The following FBXL17 variants were observed in gnomAD, a reference collection of about 807,000 sequenced individuals.
The protein encoded by FBXL17 is F-box and leucine rich repeat protein 17, also known as F-box/LRR-repeat protein 17.
In FBXL17, 22 loss-of-function variants were observed where a neutral mutation model predicts 66.2. That is an observed-to-expected ratio of 0.33 (90% CI 0.24 to 0.47). The LOEUF (loss-of-function observed/expected upper bound fraction) is 0.47, where lower values mean the gene tolerates loss of function less well. FBXL17 is among the 20% of genes least tolerant of loss of function. The pLI, the probability that FBXL17 is intolerant of heterozygous loss-of-function variation, is 1.00. For missense variants in FBXL17, 878 were observed against 948.2 expected (o/e 0.93, Z 0.97); for synonymous variants, 474 against 400.5 (o/e 1.18, Z -2.19).
At chr5:108,266,483 T>C (rs1339419608) in intron 4 of FBXL17, among the ~76,000 whole-genome samples, 1 of 152,130 alleles carries the variant, frequency 6.6e-6, no homozygotes, top group Non-Finnish European at 1.5e-5. Context: ...GGCTCAGTTA[T>C]CAAATCAACT....
intron 1 of FBXL17, among the ~76,000 whole-genome samples, chr5:108,372,960 C>G (rs1749139940): frequency 1.3e-5 from 2 of 151,904 alleles, no homozygotes; most frequent in South Asian, 4.1e-4. Flanking sequence ...AATTATGAAT[C>G]TATATTGATT....
At chr5:108,265,125 C>G (rs1170508577) in intron 4 of FBXL17, among the ~76,000 whole-genome samples, 1 of 151,868 alleles carries the variant, frequency 6.6e-6, no homozygotes, top group Non-Finnish European at 1.5e-5. Flanking sequence ...TAAAAGTTTT[C>G]TCTTGTTTTC....
intron 1 of FBXL17, among the ~76,000 whole-genome samples, chr5:108,380,232 T>C (rs1749746950): frequency 6.6e-6 from 1 of 152,176 alleles, no homozygotes; most frequent in African/African-American, 2.4e-5. Context: ...ATTATATATA[T>C]AAAGTCTGGC....
chr5:108,216,674 T>A (rs1421304804), intron 5 of FBXL17, among the ~76,000 whole-genome samples: 1 of 152,066 alleles, frequency 6.6e-6, no homozygotes, highest in Non-Finnish European at 1.5e-5. Context: ...TAGCTTGCCT[T>A]AGGTAGATAA....
chr5:107,924,889 G>T (rs1262847468), intron 7 of FBXL17, among the ~76,000 whole-genome samples: 3 of 152,164 alleles, frequency 2.0e-5, no homozygotes, highest in Non-Finnish European at 2.9e-5. Flanking sequence ...GTGAAATAGA[G>T]CAATTCTGAA....
chr5:108,086,535 T>A (rs1004486990), intron 6 of FBXL17, among the ~76,000 whole-genome samples: 9 of 152,164 alleles, frequency 5.9e-5, no homozygotes, highest in African/African-American at 1.9e-4. Flanking sequence ...CTGACTTTTT[T>A]AATAGGAATG....
chr5:107,976,555 A>C (rs576695152), intron 7 of FBXL17, among the ~76,000 whole-genome samples: 2 of 152,328 alleles, frequency 1.3e-5, no homozygotes, highest in South Asian at 4.1e-4. Context: ...TTGTCTGCCC[A>C]TGACTTCTCA....
intron 4 of FBXL17, among the ~76,000 whole-genome samples, chr5:108,347,557 A>G (rs1173798766): frequency 6.6e-6 from 1 of 152,234 alleles, no homozygotes; most frequent in Non-Finnish European, 1.5e-5. Context: ...CCTTGAAAAC[A>G]TCATGCTGAG....
At chr5:107,885,828 C>T (rs866885115) in intron 7 of FBXL17, among the ~76,000 whole-genome samples, 3 of 151,832 alleles carry the variant, frequency 2.0e-5, no homozygotes, top group East Asian at 1.9e-4. Flanking sequence ...GAAGCAGGCA[C>T]GAGATGTGGG....
chr5:108,166,080 A>T (rs1752403689), intron 6 of FBXL17, among the ~76,000 whole-genome samples: 1 of 152,230 alleles, frequency 6.6e-6, no homozygotes, highest in Admixed American at 6.5e-5. Context: ...TTTCATACAG[A>T]TTAAAAAGTA....
In FBXL17 at chr5:107,920,798, T is replaced by A. The variant is rs75135700; in HGVS notation, c.1823-39619A>T. Among the ~76,000 whole-genome samples, 528 of 152,084 alleles carry A rather than the reference T, an allele frequency of 3.5e-3. 2 individuals carry two copies. The highest frequency in any genetic ancestry group is 6.8e-3 in the Middle Eastern group (2 of 294). On this transcript the variant is annotated intron_variant, in intron 7 of 8. Transcript: ENST00000542267. ...GCAATAAACCTGTTGAACAGACAGG[T>A]TTAATGTTCACCAAGGCTAAGTGTT...
At chr5:108,011,590 G>C (rs550851240) in intron 7 of FBXL17, among the ~76,000 whole-genome samples, 1 of 152,120 alleles carries the variant, frequency 6.6e-6, no homozygotes, top group South Asian at 2.1e-4. Context: ...GGTCACTTGA[G>C]GTCAGAAGTT....
At chr5:108,001,253 A>G (rs1291997918) in intron 7 of FBXL17, among the ~76,000 whole-genome samples, 3 of 152,198 alleles carry the variant, frequency 2.0e-5, no homozygotes, top group Non-Finnish European at 2.9e-5. Context: ...AGGGAAAGGA[A>G]AACCCCAAAC....
chr5:108,085,557 C>A (rs1748935447), intron 6 of FBXL17, among the ~76,000 whole-genome samples: 1 of 152,234 alleles, frequency 6.6e-6, no homozygotes, highest in South Asian at 2.1e-4. Flanking sequence ...TATCTCCGGA[C>A]TGTGCCTGAA....
chr5:107,986,790 C>A (rs566646389), intron 7 of FBXL17, among the ~76,000 whole-genome samples: 1 of 151,972 alleles, frequency 6.6e-6, no homozygotes, highest in East Asian at 1.9e-4. Context: ...TTTATAATGA[C>A]AATTTTGAAA....
intron 6 of FBXL17, among the ~76,000 whole-genome samples, chr5:108,179,706 G>A (rs554627375): frequency 2.0e-5 from 3 of 152,206 alleles, no homozygotes; most frequent in African/African-American, 7.2e-5. Flanking sequence ...GAAAATCAAG[G>A]TTTTAACTTA....
At chr5:108,030,497 T>C (rs1746567787) in intron 6 of FBXL17, among the ~76,000 whole-genome samples, 1 of 152,136 alleles carries the variant, frequency 6.6e-6, no homozygotes, top group African/African-American at 2.4e-5. Context: ...CCCAATCCAG[T>C]ACTCAGATTT....
intron 4 of FBXL17, among the ~76,000 whole-genome samples, chr5:108,254,737 G>T (rs565783073): frequency 3.3e-5 from 5 of 152,172 alleles, no homozygotes; most frequent in Non-Finnish European, 7.4e-5. Context: ...CCCCACAAAG[G>T]TGAGCTAAAT....
intron 8 of FBXL17, among the ~76,000 whole-genome samples, chr5:107,867,406 C>T (rs566996332): frequency 1.1e-3 from 162 of 152,328 alleles, no homozygotes; most frequent in Non-Finnish European, 1.7e-3. Flanking sequence ...ACCCTCCATA[C>T]TGGAGATCAT....
Sources: gnomAD v4.1 joint callset for allele counts (sites outside exome capture counted in the v4.1 genomes callset) on GRCh38, gnomAD v4.1.1 for gene constraint, MANE v1.5 for transcripts, NCBI Gene and HGNC (gene_info 2026-07-23, HGNC 2026-07-21) for gene names.